Variants in CNNM2 observed in about 807,000 individuals in gnomAD.
CNNM2 encodes the protein cyclin and CBS domain divalent metal cation transport mediator 2.
A neutral mutation model predicts 66.9 loss-of-function variants in CNNM2; 12 were observed. The ratio of observed to expected loss-of-function variants is 0.18; its 90% CI spans 0.11 to 0.29. The LOEUF is 0.29. CNNM2 is among the 10% of genes least tolerant of loss of function. CNNM2 has a pLI of 1.00. For synonymous variants in CNNM2, 557 were observed against 501.8 expected (o/e 1.11, Z -1.47); for missense variants, 705 against 1,167.7 (o/e 0.60, Z 5.77).
At chr10:103,007,309 T>TA (rs1284284825) in intron 1 of CNNM2, among the ~76,000 whole-genome samples, 2 of 152,194 alleles carry the variant, frequency 1.3e-5, no homozygotes, top group African/African-American at 2.4e-5. Context: ...GATAAGGGTC[T>TA]ATGTTCAGTG....
intron 1 of CNNM2, among the ~76,000 whole-genome samples, chr10:103,032,413 C>T (rs1007047648): frequency 3.3e-5 from 5 of 151,912 alleles, no homozygotes; most frequent in East Asian, 3.9e-4. Flanking sequence ...ATCACCCCAC[C>T]GCACTCCAAC....
intron 1 of CNNM2, among the ~76,000 whole-genome samples, chr10:102,970,399 A>G (rs1055526891): frequency 1.3e-5 from 2 of 152,222 alleles, no homozygotes; most frequent in South Asian, 2.1e-4. Flanking sequence ...AGCCATGCCT[A>G]TTCATTTATG....
intron 1 of CNNM2, among the ~76,000 whole-genome samples, chr10:102,936,348 C>T (rs1346499329): frequency 6.6e-6 from 1 of 152,102 alleles, no homozygotes; most frequent in Non-Finnish European, 1.5e-5. Context: ...CACTAGTGTA[C>T]CTCCTTGATG....
At chr10:102,964,472 A>G (rs1199574488) in intron 1 of CNNM2, among the ~76,000 whole-genome samples, 1 of 151,990 alleles carries the variant, frequency 6.6e-6, no homozygotes, top group Non-Finnish European at 1.5e-5. Flanking sequence ...TAAGTGATTC[A>G]CCCGCTTCGG....
intron 1 of CNNM2, among the ~76,000 whole-genome samples, chr10:102,945,500 C>T (rs1846585616): frequency 6.6e-6 from 1 of 152,096 alleles, no homozygotes; most frequent in African/African-American, 2.4e-5. Flanking sequence ...TTCCTTTATT[C>T]ATTTATTCAA....
intron 4 of CNNM2, among the ~76,000 whole-genome samples, chr10:103,060,208 A>C (rs1303999682): frequency 6.6e-6 from 1 of 152,202 alleles, no homozygotes; most frequent in African/African-American, 2.4e-5. Flanking sequence ...AAATACAAAA[A>C]GATAGAAATT....
chr10:102,964,911 T>A (rs1046589622), intron 1 of CNNM2, among the ~76,000 whole-genome samples: 1 of 152,080 alleles, frequency 6.6e-6, no homozygotes, highest in East Asian at 1.9e-4. Flanking sequence ...TTCTCCCTCA[T>A]GAAAGTGATT....
intron 1 of CNNM2, chr10:102,921,197 A>G (rs1162479387): frequency 3.6e-6 from 1 of 277,364 alleles, no homozygotes; most frequent in Non-Finnish European, 5.5e-6. Flanking sequence ...AGGGATGCTG[A>G]GTTTTTGAAT....
In CNNM2 at chr10:103,088,308, G is replaced by GAAAC. The variant is rs1328594952; in HGVS notation, c.*11130_*11133dup. On this transcript the variant is annotated 3_prime_UTR_variant, in exon 8 of 8. Transcript: ENST00000369878. Reference sequence around the variant, plus strand: ...TTGAAACAACTTTCACTGTACTGGTGAAACAGTTTTAATACCCTAACATAC... The same window carrying GAAAC: ...TTGAAACAACTTTCACTGTACTGGTGAAACAAACAGTTTTAATACCCTAACATAC... The GAAAC allele has an allele frequency of 1.3e-5, 2 of 152,228 alleles. No individual in the cohort carries two copies. The highest frequency in any genetic ancestry group is 2.1e-4 in the South Asian group (1 of 4,836). The allele number at this position is 152,228 out of a possible 1,614,324, so 9.4% of individuals were successfully genotyped here.
In CNNM2 at chr10:102,933,130, T is replaced by C. The variant is rs1846121525; in HGVS notation, c.1621+13029T>C. Among the ~76,000 whole-genome samples the C allele has an allele frequency of 2.0e-5, 3 of 152,212 alleles. No homozygotes were observed. The South Asian group carries it at 6.2e-4, about 32-fold the overall frequency. The stretch of plus-strand genomic sequence containing the variant: ...GCTGTCAGGATTCCTTGCATTTCCA[T>C]GTGAATTTTTCAGGGATCAACTTGC... On this transcript the variant is annotated intron_variant, in intron 1 of 7. Coordinates refer to ENST00000369878, the MANE Select transcript of CNNM2 (RefSeq NM_017649.5).
intron 1 of CNNM2, among the ~76,000 whole-genome samples, chr10:102,984,959 T>C (rs1410278592): frequency 6.6e-6 from 1 of 152,148 alleles, no homozygotes; most frequent in Non-Finnish European, 1.5e-5. Flanking sequence ...ACTCTTATTT[T>C]AAATGTCAGT....
intron 1 of CNNM2, among the ~76,000 whole-genome samples, chr10:102,994,087 C>A (rs566013828): frequency 2.6e-5 from 4 of 152,236 alleles, no homozygotes; most frequent in Admixed American, 2.0e-4. Flanking sequence ...CAGGCACATG[C>A]CACCACGCCG....
chr10:102,936,007 G>T (rs1846228659), intron 1 of CNNM2, among the ~76,000 whole-genome samples: 1 of 150,440 alleles, frequency 6.6e-6, no homozygotes, highest in Non-Finnish European at 1.5e-5. Context: ...TTGTTTTTTT[G>T]GTTTTTTTTT....
At chr10:102,965,756 A>G (rs1305035709) in intron 1 of CNNM2, among the ~76,000 whole-genome samples, 1 of 152,208 alleles carries the variant, frequency 6.6e-6, no homozygotes, top group East Asian at 1.9e-4. Flanking sequence ...GCTTTGTCCT[A>G]CCATCTCTGA....
intron 1 of CNNM2, among the ~76,000 whole-genome samples, chr10:102,938,897 T>C (rs1846334897): frequency 6.6e-6 from 1 of 152,100 alleles, no homozygotes; most frequent in African/African-American, 2.4e-5. Context: ...CTCTGAAATA[T>C]GAATGGACAG....
At chr10:103,056,045 G>A (rs2065289951) in intron 3 of CNNM2, among the ~76,000 whole-genome samples, 3 of 150,142 alleles carry the variant, frequency 2.0e-5, no homozygotes, top group Admixed American at 2.0e-4. Context: ...CCGAGATTGC[G>A]TCACTGCACT....
chr10:103,008,270 A>C (rs1006497369), intron 1 of CNNM2, among the ~76,000 whole-genome samples: 4 of 152,180 alleles, frequency 2.6e-5, no homozygotes, highest in African/African-American at 4.8e-5. Flanking sequence ...TGTAATTTGT[A>C]GGACCCAGGG....
At chr10:102,922,634 A>G (rs892271112) in intron 1 of CNNM2, among the ~76,000 whole-genome samples, 1 of 152,206 alleles carries the variant, frequency 6.6e-6, no homozygotes, top group Non-Finnish European at 1.5e-5. Flanking sequence ...TCATAGATCC[A>G]GATCTCATTG....
At chr10:102,983,383 C>T (rs1427388923) in intron 1 of CNNM2, among the ~76,000 whole-genome samples, 2 of 148,160 alleles carry the variant, frequency 1.3e-5, no homozygotes, top group East Asian at 2.0e-4. Flanking sequence ...TTTTTTAGGT[C>T]GGGCGTGGTG....
Sources: allele counts gnomAD v4.1 joint callset (sites outside exome capture counted in the v4.1 genomes callset), GRCh38; gene constraint gnomAD v4.1.1; transcripts MANE v1.5; gene names NCBI Gene and HGNC (gene_info 2026-07-23, HGNC 2026-07-21).